The following ZNF385B variants were observed in gnomAD, a reference collection of about 807,000 sequenced individuals.
ZNF385B encodes zinc finger protein 533.
A neutral mutation model predicts 39.2 loss-of-function variants in ZNF385B; 23 were observed. The ratio of observed to expected loss-of-function variants is 0.59; its 90% confidence interval spans 0.42 to 0.83. The LOEUF is 0.83. ZNF385B is among the 40% of genes least tolerant of loss of function. The probability of loss-of-function intolerance (pLI) is 0.00; values close to 1 mark genes in which losing one functional copy is unlikely to be tolerated. For missense variants in ZNF385B, 552 were observed against 598.9 expected (o/e 0.92, Z 0.82); for synonymous variants, 205 against 222.6 (o/e 0.92, Z 0.70).
At chr2:179,700,058 A>AC (rs1699065728) in intron 3 of ZNF385B, among the ~76,000 whole-genome samples, 1 of 148,576 alleles carries the variant, frequency 6.7e-6, no homozygotes, top group Admixed American at 6.7e-5. Context: ...CAAACAGAAA[A>AC]ACACACACAC....
intron 3 of ZNF385B, among the ~76,000 whole-genome samples, chr2:179,585,244 A>G (rs1308882350): frequency 1.3e-5 from 2 of 152,184 alleles, no homozygotes; most frequent in East Asian, 1.9e-4. Context: ...AAACATTAGC[A>G]TGAGTTCTGT....
At chr2:179,794,510 G>GA (rs1559200780) in intron 1 of ZNF385B, among the ~76,000 whole-genome samples, 1 of 152,098 alleles carries the variant, frequency 6.6e-6, no homozygotes, top group African/African-American at 2.4e-5. Context: ...TTGTAGGTCA[G>GA]TAACTCTAAA....
chr2:179,479,900 C>T (rs2053815303), intron 6 of ZNF385B, among the ~76,000 whole-genome samples: 1 of 151,898 alleles, frequency 6.6e-6, no homozygotes, highest in African/African-American at 2.4e-5. Context: ...TGTTGAATAC[C>T]CTGAAATCAC....
intron 3 of ZNF385B, among the ~76,000 whole-genome samples, chr2:179,729,782 C>G (rs900490974): frequency 6.6e-6 from 1 of 152,128 alleles, no homozygotes; most frequent in Non-Finnish European, 1.5e-5. Context: ...GCGGTTCCCC[C>G]AAGCTGTTTT....
At chr2:179,840,490 GT>G (rs1007853341) in intron 1 of ZNF385B, among the ~76,000 whole-genome samples, 3 of 152,136 alleles carry the variant, frequency 2.0e-5, no homozygotes, top group Non-Finnish European at 4.4e-5. Context: ...AGAAAAGGAA[GT>G]GAATGAAAGC....
chr2:179,784,736 C>T (rs1304652859), intron 1 of ZNF385B, among the ~76,000 whole-genome samples: 3 of 152,006 alleles, frequency 2.0e-5, no homozygotes, highest in Non-Finnish European at 4.4e-5. Context: ...ATTAAAGCCA[C>T]AATGTGATAT....
chr2:179,853,723 C>T (rs1007276843), intron 1 of ZNF385B, among the ~76,000 whole-genome samples: 43 of 152,036 alleles, frequency 2.8e-4, no homozygotes, highest in African/African-American at 8.9e-4. Flanking sequence ...ATGGTAGGTG[C>T]CAAGAACTTT....
Position 179,791,993 on chromosome 2 carries a change from C to CT in ZNF385B, c.-154-21322dup, listed in dbSNP as rs1429444216. ...GCCAGGCTGGTCTCAAACTCCTGAC[C>CT]TCAAGTGACCCACCTGCCTTGGCCT... On this transcript the variant is annotated intron_variant, in intron 1 of 9. Coordinates refer to ENST00000410066, the MANE Select transcript of ZNF385B (RefSeq NM_152520.6). 2.6e-5 allele frequency among the ~76,000 whole-genome samples: 4 copies of CT among 152,164 alleles called. No homozygotes were observed. In the East Asian group the frequency reaches 7.7e-4, roughly 29 times the overall value.
chr2:179,512,163 A>AT (rs914619739), intron 5 of ZNF385B, among the ~76,000 whole-genome samples: 9 of 152,236 alleles, frequency 5.9e-5, no homozygotes, highest in African/African-American at 2.2e-4. Flanking sequence ...CCATGCTTTC[A>AT]TTTTGATTTG....
intron 3 of ZNF385B, among the ~76,000 whole-genome samples, chr2:179,648,810 T>C (rs1692967277): frequency 6.6e-6 from 1 of 152,142 alleles, no homozygotes; most frequent in South Asian, 2.1e-4. Context: ...TAATTGATGA[T>C]AGTAAGGGGT....
At chr2:179,744,259 T>C (rs1411939869) in intron 3 of ZNF385B, among the ~76,000 whole-genome samples, 2 of 151,952 alleles carry the variant, frequency 1.3e-5, no homozygotes, top group South Asian at 2.1e-4. Context: ...ACAGATGAGG[T>C]TGAAGGTAAG....
chr2:179,673,479 A>G (rs1415119258), intron 3 of ZNF385B, among the ~76,000 whole-genome samples: 1 of 152,206 alleles, frequency 6.6e-6, no homozygotes. Context: ...AGATTAAATA[A>G]CTGGTATTAA....
intron 3 of ZNF385B, among the ~76,000 whole-genome samples, chr2:179,623,174 G>A (rs544050843): frequency 2.0e-5 from 3 of 152,190 alleles, no homozygotes; most frequent in Non-Finnish European, 4.4e-5. Context: ...AGATTCACTG[G>A]ATTGCCTTTT....
At chr2:179,528,661 T>A (rs1387030327) in intron 4 of ZNF385B, among the ~76,000 whole-genome samples, 3 of 152,238 alleles carry the variant, frequency 2.0e-5, no homozygotes, top group Admixed American at 1.3e-4. Flanking sequence ...CAGATAACTT[T>A]TAAACTGTTC....
At position 179,493,782 on chromosome 2, in the gene ZNF385B, C is replaced by CATATATGTATATGT. The variant is rs1559338426; in HGVS notation, c.553-10349_553-10348insACATATACATATAT. On this transcript the variant is annotated intron_variant, in intron 5 of 9. Coordinates refer to ENST00000410066, the MANE Select transcript of ZNF385B (RefSeq NM_152520.6). ...ATATATGTATACATATATGTATATA[C>CATATATGTATATGT]ACATATGTATACATATATGTATATA... Among the ~76,000 whole-genome samples, 2 of 89,526 alleles carry CATATATGTATATGT rather than the reference C, an allele frequency of 2.2e-5. 1 individual carries two copies. The allele number at this position is 89,526 out of a possible 152,430, so 58.7% of individuals were successfully genotyped here. A position where few individuals can be genotyped will look rare whatever the true frequency, so the allele number is the denominator to read the frequency against.
chr2:179,481,713 G>A (rs111275084), intron 6 of ZNF385B, among the ~76,000 whole-genome samples: 20,167 of 152,126 alleles, frequency 0.13, 1,472 homozygotes, highest in Non-Finnish European at 0.17. Context: ...AAGGTAAAGA[G>A]CATAATTTAG....
intron 3 of ZNF385B, among the ~76,000 whole-genome samples, chr2:179,582,848 T>G (rs926292958): frequency 6.6e-6 from 1 of 152,166 alleles, no homozygotes; most frequent in East Asian, 1.9e-4. Context: ...ACCAATATTT[T>G]TTGTTGTTGT....
intron 3 of ZNF385B, among the ~76,000 whole-genome samples, chr2:179,642,507 G>C (rs1692357801): frequency 6.6e-6 from 1 of 151,708 alleles, no homozygotes; most frequent in South Asian, 2.1e-4. Context: ...AGTTACTCTT[G>C]TTCGAACCAG....
chr2:179,546,268 C>T (rs1452297170), intron 3 of ZNF385B, among the ~76,000 whole-genome samples: 2 of 152,078 alleles, frequency 1.3e-5, no homozygotes, highest in African/African-American at 4.8e-5. Context: ...AACTCCTAGG[C>T]TCAAGCAACC....
Sources: gnomAD v4.1 joint callset for allele counts (sites outside exome capture counted in the v4.1 genomes callset) on GRCh38, gnomAD v4.1.1 for gene constraint, MANE v1.5 for transcripts, NCBI Gene and HGNC (gene_info 2026-07-23, HGNC 2026-07-21) for gene names.